Variants in KLF8 observed in about 807,000 individuals in gnomAD.
KLF8 encodes the protein Krueppel-like factor 8.
In KLF8, 10 loss-of-function variants were observed where a neutral mutation model predicts 18.2. The ratio of observed to expected loss-of-function variants is 0.55; its 90% CI spans 0.34 to 0.93. The LOEUF (loss-of-function observed/expected upper bound fraction) is 0.93, where lower values mean the gene tolerates loss of function less well. Among genes scored for constraint, KLF8 ranks in the 40% least tolerant of loss-of-function variants. KLF8 has a pLI of 0.02. For missense variants in KLF8, 264 were observed against 277.9 expected (o/e 0.95, Z 0.36); for synonymous variants, 109 against 97.3 (o/e 1.12, Z -0.71).
At chrX:56,073,087 C>T in the KLF8 span, among the ~76,000 whole-genome samples, 1 of 108,524 alleles carries the variant, frequency 9.2e-6, no homozygotes, top group African/African-American at 3.4e-5. Context: ...CCCGGGTTCA[C>T]GCCATTCTCC....
the KLF8 span, among the ~76,000 whole-genome samples, chrX:55,964,698 C>G: frequency 9.0e-6 from 1 of 111,699 alleles, no homozygotes; most frequent in African/African-American, 3.3e-5. Flanking sequence ...TCCACATGAA[C>G]ACAATCAGAA....
chrX:56,050,691 T>A, the KLF8 span, among the ~76,000 whole-genome samples: 2 of 112,267 alleles, frequency 1.8e-5, no homozygotes, highest in Non-Finnish European at 3.8e-5. Context: ...CTTCCACCTA[T>A]GTGGTCAATT....
At chrX:56,076,144 T>C in the KLF8 span, among the ~76,000 whole-genome samples, 1 of 88,839 alleles carries the variant, frequency 1.1e-5, no homozygotes, top group Non-Finnish European at 2.0e-5. Context: ...GAACTCATAA[T>C]TTTTTTTTAT....
the KLF8 span, among the ~76,000 whole-genome samples, chrX:56,064,968 T>C: frequency 2.5e-4 from 28 of 111,919 alleles, no homozygotes; most frequent in Non-Finnish European, 4.5e-4. Context: ...GCTGTTAGTC[T>C]CATGAAAGTT....
chrX:56,064,410 C>T, the KLF8 span, among the ~76,000 whole-genome samples: 1 of 108,985 alleles, frequency 9.2e-6, no homozygotes. Flanking sequence ...TACGCATTTA[C>T]ATGTGAAGTG....
chrX:56,170,017 G>T, the KLF8 span, among the ~76,000 whole-genome samples: 47 of 111,086 alleles, frequency 4.2e-4, no homozygotes, highest in Admixed American at 4.5e-3. Context: ...TTGGGAGAAA[G>T]TAAGGGAAGT....
At chrX:56,182,290 G>C in the KLF8 span, among the ~76,000 whole-genome samples, 18 of 112,102 alleles carry the variant, frequency 1.6e-4, no homozygotes, top group African/African-American at 5.5e-4. Flanking sequence ...CGTAGTTCTC[G>C]TGCCAAGGTT....
the KLF8 span, among the ~76,000 whole-genome samples, chrX:56,032,184 A>G: frequency 2.7e-5 from 3 of 110,970 alleles, no homozygotes; most frequent in Non-Finnish European, 5.7e-5. Context: ...AAAACAATAT[A>G]AAACAATATG....
the KLF8 span, among the ~76,000 whole-genome samples, chrX:56,105,146 A>G: frequency 9.0e-6 from 1 of 111,484 alleles, no homozygotes; most frequent in Non-Finnish European, 1.9e-5. Context: ...TATGTGGTCA[A>G]TTTTGGAATA....
the KLF8 span, among the ~76,000 whole-genome samples, chrX:55,914,570 C>T: frequency 1.3e-4 from 15 of 111,574 alleles, no homozygotes; most frequent in Non-Finnish European, 2.6e-4. Flanking sequence ...TTAATATGAG[C>T]AAGTAAAATG....
At chrX:56,137,353 C>T in the KLF8 span, among the ~76,000 whole-genome samples, 1 of 104,673 alleles carries the variant, frequency 9.6e-6, no homozygotes, top group Non-Finnish European at 2.0e-5. Flanking sequence ...TTGGAACCAA[C>T]CCAAATGTCC....
Position 56,264,293 on chromosome X carries a change from C to CTATTAGTTTTTTAAACTAATAAATGTATT in KLF8, c.82-866_82-838dup, listed in dbSNP as rs1569185028. Reference sequence around the variant, plus strand: ...AAAAGTATTAGTTTTTTATTAAAAACTATTAGTTTTTTAAACTAATAAATG... The same window carrying CTATTAGTTTTTTAAACTAATAAATGTATT: ...AAAAGTATTAGTTTTTTATTAAAAACTATTAGTTTTTTAAACTAATAAATGTATTTATTAGTTTTTTAAACTAATAAATG... On this transcript the variant is annotated intron_variant, in intron 2 of 5. Coordinates refer to ENST00000468660, the MANE Select transcript of KLF8 (RefSeq NM_007250.5). Among the ~76,000 whole-genome samples, 643 of 107,558 alleles carry CTATTAGTTTTTTAAACTAATAAATGTATT rather than the reference C, an allele frequency of 6.0e-3. 11 individuals are homozygous for CTATTAGTTTTTTAAACTAATAAATGTATT. Among genetic ancestry groups the CTATTAGTTTTTTAAACTAATAAATGTATT allele is most frequent in the African/African-American group, 0.012 (331 of 28,683 alleles). 93.4% of individuals were successfully genotyped at this position (107,558 alleles called of 115,157 possible).
the KLF8 span, among the ~76,000 whole-genome samples, chrX:56,215,877 A>AAAG: frequency 1.9e-5 from 2 of 104,110 alleles, no homozygotes; most frequent in African/African-American, 7.0e-5. Context: ...AAGAAAAGAA[A>AAAG]AAGAAAGAAA....
At chrX:56,227,776 A>G (rs964633441), upstream of KLF8, among the ~76,000 whole-genome samples, 2 of 109,417 alleles carry the variant, frequency 1.8e-5, no homozygotes, top group African/African-American at 6.7e-5. Flanking sequence ...GTTGATTATA[A>G]AGTCTCTTCC....
the KLF8 span, among the ~76,000 whole-genome samples, chrX:56,082,180 A>G: frequency 8.9e-6 from 1 of 111,891 alleles, no homozygotes; most frequent in African/African-American, 3.2e-5. Flanking sequence ...TCTAGTCTTG[A>G]CAGGTTGTGC....
At chrX:56,141,794 GC>G in the KLF8 span, among the ~76,000 whole-genome samples, 8 of 111,802 alleles carry the variant, frequency 7.2e-5, no homozygotes, top group East Asian at 2.0e-3. Flanking sequence ...ATATGGTGAT[GC>G]CTTCACTACC....
At chrX:55,945,549 A>C in the KLF8 span, among the ~76,000 whole-genome samples, 1 of 111,045 alleles carries the variant, frequency 9.0e-6, no homozygotes, top group Non-Finnish European at 1.9e-5. Flanking sequence ...ATGGGCAAAA[A>C]CTGGAAGCAT....
At chrX:56,053,737 G>A in the KLF8 span, among the ~76,000 whole-genome samples, 1 of 109,442 alleles carries the variant, frequency 9.1e-6, no homozygotes, top group South Asian at 4.0e-4. Flanking sequence ...CATCTTGGGA[G>A]GGTGTATGTG....
the KLF8 span, among the ~76,000 whole-genome samples, chrX:56,185,980 A>G: frequency 8.9e-6 from 1 of 112,212 alleles, no homozygotes; most frequent in Admixed American, 9.5e-5. Flanking sequence ...CGAGCAAAAA[A>G]ACCAGCTAAC....
Sources: gnomAD v4.1 joint callset for allele counts (sites outside exome capture counted in the v4.1 genomes callset) on GRCh38, gnomAD v4.1.1 for gene constraint, MANE v1.5 for transcripts, NCBI Gene and HGNC (gene_info 2026-07-23, HGNC 2026-07-21) for gene names.